LRRTM4: variants seen among roughly 807,000 people sequenced by gnomAD.
The protein encoded by LRRTM4 is leucine rich repeat transmembrane neuronal 4, also known as leucine-rich repeat transmembrane neuronal protein 4.
LRRTM4 carries 25 observed loss-of-function variants against 47.6 expected under a neutral mutation model. That is an observed-to-expected ratio of 0.53 (90% confidence interval 0.38 to 0.73). The LOEUF (loss-of-function observed/expected upper bound fraction) is 0.73. LRRTM4 is among the 30% of genes least tolerant of loss of function. The pLI, the probability that LRRTM4 is intolerant of heterozygous loss-of-function variation, is 0.00. For synonymous variants in LRRTM4, 311 were observed against 269.5 expected, an observed-to-expected ratio of 1.15 and a Z score of -1.51; for missense variants, 638 against 713.4, an observed-to-expected ratio of 0.89 and a Z score of 1.20.
intron 3 of LRRTM4, among the ~76,000 whole-genome samples, chr2:76,817,137 G>A (rs1183832051): frequency 6.6e-6 from 1 of 151,844 alleles, no homozygotes; most frequent in African/African-American, 2.4e-5. Flanking sequence ...ACTGAGAGGA[G>A]GGAGAAAGAA....
At chr2:77,193,512 T>C (rs1427149969) in intron 3 of LRRTM4, among the ~76,000 whole-genome samples, 1 of 151,938 alleles carries the variant, frequency 6.6e-6, no homozygotes, top group East Asian at 1.9e-4. Flanking sequence ...TTTTTTAACA[T>C]TATAAAATAT....
intron 3 of LRRTM4, among the ~76,000 whole-genome samples, chr2:77,244,735 C>G (rs1016518696): frequency 5.9e-5 from 9 of 152,182 alleles, no homozygotes; most frequent in African/African-American, 1.7e-4. Context: ...TCCTCTTGTT[C>G]TCATTCTATT....
At chr2:76,778,883 C>T (rs1021310067) in intron 3 of LRRTM4, among the ~76,000 whole-genome samples, 1 of 151,762 alleles carries the variant, frequency 6.6e-6, no homozygotes, top group African/African-American at 2.4e-5. Context: ...TTCCTGCTTT[C>T]TTTTGTGGGC....
intron 3 of LRRTM4, among the ~76,000 whole-genome samples, chr2:77,424,798 T>A (rs1222603369): frequency 1.3e-5 from 2 of 152,136 alleles, no homozygotes; most frequent in Non-Finnish European, 2.9e-5. Flanking sequence ...ACATATACAC[T>A]CCTGGTGGAA....
At chr2:76,761,851 T>C (rs1428902673) in intron 3 of LRRTM4, among the ~76,000 whole-genome samples, 2 of 152,232 alleles carry the variant, frequency 1.3e-5, no homozygotes, top group African/African-American at 4.8e-5. Context: ...ATTAAATTTA[T>C]CTCTGCTTTA....
intron 3 of LRRTM4, among the ~76,000 whole-genome samples, chr2:77,516,316 T>C (rs1679206269): frequency 1.3e-5 from 2 of 151,866 alleles, no homozygotes; most frequent in Admixed American, 1.3e-4. Flanking sequence ...GAACCATCTT[T>C]TAAACTTGTT....
chr2:77,051,396 T>C (rs956424180), intron 3 of LRRTM4, among the ~76,000 whole-genome samples: 1 of 152,168 alleles, frequency 6.6e-6, no homozygotes, highest in Non-Finnish European at 1.5e-5. Context: ...GTTTACCATT[T>C]GCACTATGCA....
intron 3 of LRRTM4, among the ~76,000 whole-genome samples, chr2:76,754,261 C>T (rs578087557): frequency 2.0e-4 from 30 of 151,398 alleles, no homozygotes; most frequent in African/African-American, 6.5e-4. Flanking sequence ...ATTCTACTGG[C>T]TATATTAGTA....
At chr2:77,074,297 G>T (rs1170230861) in intron 3 of LRRTM4, among the ~76,000 whole-genome samples, 5 of 151,982 alleles carry the variant, frequency 3.3e-5, no homozygotes, top group African/African-American at 1.2e-4. Context: ...CTGTGTTCTT[G>T]GGCATTTGTA....
intron 3 of LRRTM4, among the ~76,000 whole-genome samples, chr2:76,749,679 C>T (rs1316172392): frequency 1.3e-5 from 2 of 152,228 alleles, no homozygotes; most frequent in African/African-American, 4.8e-5. Flanking sequence ...TGCAGAAATT[C>T]ATTTAATATA....
In LRRTM4 at chr2:77,249,778, A is replaced by G. The variant is rs1300554610; in HGVS notation, c.1551+268540T>C. ...TTTAACTGTTTCTTACAAAGCTAAC[A>G]TACTTTTACCATATGACCTAGCTAG... On this transcript the variant is annotated intron_variant, in intron 3 of 3. Coordinates refer to ENST00000409884, the MANE Select transcript of LRRTM4 (RefSeq NM_001134745.3). Among the ~76,000 whole-genome samples, 3 of 152,170 alleles carry G rather than the reference A, an allele frequency of 2.0e-5. No individual in the cohort carries two copies. The East Asian group carries it at 5.8e-4, about 29-fold the overall frequency.
At chr2:77,112,480 T>C (rs13398218) in intron 3 of LRRTM4, among the ~76,000 whole-genome samples, 12,767 of 152,220 alleles carry the variant, frequency 0.084, 673 homozygotes, top group East Asian at 0.23. Context: ...GTAAGAGTAA[T>C]TTTATCTTTT....
At chr2:76,870,143 A>C (rs1312792222) in intron 3 of LRRTM4, among the ~76,000 whole-genome samples, 1 of 152,196 alleles carries the variant, frequency 6.6e-6, no homozygotes, top group South Asian at 2.1e-4. Flanking sequence ...CCAGAAAGAC[A>C]GATGATCTTT....
chr2:76,901,194 TC>T (rs754979419), intron 3 of LRRTM4, among the ~76,000 whole-genome samples: 11 of 152,096 alleles, frequency 7.2e-5, no homozygotes, highest in Non-Finnish European at 2.9e-5. Context: ...GCTAATGCTC[TC>T]CCTCCCCCAT....
chr2:77,006,971 A>G (rs1197170502), intron 3 of LRRTM4, among the ~76,000 whole-genome samples: 1 of 152,160 alleles, frequency 6.6e-6, no homozygotes, highest in African/African-American at 2.4e-5. Flanking sequence ...AGGAGGACAA[A>G]AGATGAGCTT....
chr2:77,287,517 C>A (rs1383596149), intron 3 of LRRTM4, among the ~76,000 whole-genome samples: 1 of 151,906 alleles, frequency 6.6e-6, no homozygotes, highest in Admixed American at 6.6e-5. Flanking sequence ...CTCAGGTGAA[C>A]CCCAGTCTGA....
At chr2:76,780,110 A>G (rs531232325) in intron 3 of LRRTM4, among the ~76,000 whole-genome samples, 86 of 152,310 alleles carry the variant, frequency 5.6e-4, no homozygotes, top group African/African-American at 2.0e-3. Context: ...TCTGGCTTGC[A>G]GGGTTTCTGC....
At chr2:77,145,805 A>AAATAAATAAAT (rs1411352602) in intron 3 of LRRTM4, among the ~76,000 whole-genome samples, 2 of 149,638 alleles carry the variant, frequency 1.3e-5, no homozygotes, top group African/African-American at 4.9e-5. Context: ...ATAAATAAAT[A>AAATAAATAAAT]AAATAAAAAT....
At chr2:76,857,115 G>A (rs13412373) in intron 3 of LRRTM4, among the ~76,000 whole-genome samples, 15,217 of 151,286 alleles carry the variant, frequency 0.1, 2,382 homozygotes, top group African/African-American at 0.34. Context: ...TGCCACCCTT[G>A]AGACAGCAAT....
Sources: allele counts gnomAD v4.1 joint callset (sites outside exome capture counted in the v4.1 genomes callset), GRCh38; gene constraint gnomAD v4.1.1; transcripts MANE v1.5; gene names NCBI Gene and HGNC (gene_info 2026-07-23, HGNC 2026-07-21).